DNAH3: variants seen among roughly 807,000 people sequenced by gnomAD.
DNAH3 encodes the protein dynein axonemal heavy chain 3, also known as axonemal beta dynein heavy chain 3.
DNAH3 carries 332 observed loss-of-function variants against 432.5 expected under a neutral mutation model. The ratio of observed to expected loss-of-function variants is 0.77; its 90% CI spans 0.70 to 0.84. DNAH3 has a LOEUF of 0.84. Among genes scored for constraint, DNAH3 ranks in the 40% least tolerant of loss-of-function variants. The probability of loss-of-function intolerance (pLI) is 0.00; values close to 1 mark genes in which losing one functional copy is unlikely to be tolerated. For synonymous variants in DNAH3, 1,956 were observed against 1,900.2 expected (o/e 1.03, Z -0.76); for missense variants, 4,861 against 5,114.0 (o/e 0.95, Z 1.51).
chr16:21,145,063 G>C (rs927573937), intron 3 of DNAH3, 118 bp downstream of exon 4: 2 of 888,190 alleles, frequency 2.3e-6, no homozygotes, highest in Middle Eastern at 3.5e-4. Context: ...AATGAGCCAC[G>C]ATCGTGCCAT....
At chr16:21,021,886 G>T in intron 40 of DNAH3, 85 bp downstream of exon 40, 1 of 1,490,150 alleles carries the variant, frequency 6.7e-7, no homozygotes, top group South Asian at 1.3e-5. Flanking sequence ...CTTGGTGACA[G>T]AGTGAGACTT....
At chr16:21,062,532 C>G in exon 25 of DNAH3, 2 of 1,614,154 alleles carry the variant, frequency 1.2e-6, no homozygotes, top group Non-Finnish European at 1.7e-6. Context: ...GTTTCTTTTT[C>G]CGAGCTGATC....
At chr16:20,974,898 G>A (rs186894044) in intron 51 of DNAH3, among the ~76,000 whole-genome samples, 24 of 151,044 alleles carry the variant, frequency 1.6e-4, no homozygotes, top group African/African-American at 4.4e-4. Flanking sequence ...AGCTCACTGC[G>A]ACCTCTGCCT....
At chr16:21,080,672 C>T (rs532696985) in intron 20 of DNAH3, among the ~76,000 whole-genome samples, 4 of 152,284 alleles carry the variant, frequency 2.6e-5, no homozygotes, top group East Asian at 1.9e-4. Context: ...GGCCTGAAAA[C>T]GTGCATTCTA....
chr16:21,113,867 C>A (rs1299500299), intron 12 of DNAH3, among the ~76,000 whole-genome samples: 1 of 152,196 alleles, frequency 6.6e-6, no homozygotes, highest in East Asian at 1.9e-4. Context: ...GCCTGACATA[C>A]AATGAATGTG....
intron 7 of DNAH3, chr16:21,130,091 G>GAAAAAAAAAAAAAAAA (rs58706051): frequency 5.1e-5 from 4 of 79,140 alleles, no homozygotes; most frequent in Non-Finnish European, 7.8e-5. Context: ...CTAAATAAAT[G>GAAAAAAAAAAAAAAAA]AAAAAAAAAA....
At chr16:21,070,418 G>C (rs889418742) in intron 22 of DNAH3, among the ~76,000 whole-genome samples, 6 of 152,056 alleles carry the variant, frequency 3.9e-5, no homozygotes, top group African/African-American at 1.4e-4. Flanking sequence ...AAGAAGCTGG[G>C]ATTACAGGCA....
exon 3 of DNAH3, chr16:21,145,288 T>C: frequency 6.2e-7 from 1 of 1,613,520 alleles, no homozygotes; most frequent in Non-Finnish European, 8.5e-7. Context: ...CATCAAGGAG[T>C]AGTTGTTGGC....
intron 48 of DNAH3, 48 bp from the exon 49 acceptor site, chr16:20,982,934 A>C (rs780014448): frequency 1.2e-6 from 2 of 1,606,852 alleles, no homozygotes; most frequent in African/African-American, 2.7e-5. Context: ...AGGCAGGTGG[A>C]CCCAAGGAGG....
chr16:21,118,000 GT>G (rs1033444684), intron 11 of DNAH3, among the ~76,000 whole-genome samples: 2 of 151,514 alleles, frequency 1.3e-5, no homozygotes, highest in Non-Finnish European at 2.9e-5. Flanking sequence ...GTTTTGTTTT[GT>G]TTTTTTGAGA....
chr16:21,097,167 GCT>G (rs1250894513), intron 18 of DNAH3, among the ~76,000 whole-genome samples, 186 bp downstream of exon 18: 4 of 152,154 alleles, frequency 2.6e-5, no homozygotes. Context: ...AATAGATCTG[GCT>G]CTTTCTCCAC....
chr16:21,081,702 A>G, exon 20 of DNAH3: 1 of 1,613,944 alleles, frequency 6.2e-7, no homozygotes, highest in Non-Finnish European at 8.5e-7. Flanking sequence ...GGTGGGCTTT[A>G]TCTCATAGCC....
At chr16:21,129,606 G>A (rs547041214) in intron 7 of DNAH3, among the ~76,000 whole-genome samples, 42 of 151,808 alleles carry the variant, frequency 2.8e-4, no homozygotes, top group Non-Finnish European at 4.9e-4. Context: ...GCCTGGTGGC[G>A]GGTGTCTGTA....
At chr16:21,085,934 T>TATTA (rs946006516) in intron 19 of DNAH3, among the ~76,000 whole-genome samples, 1 of 152,078 alleles carries the variant, frequency 6.6e-6, no homozygotes, top group Non-Finnish European at 1.5e-5. Flanking sequence ...ACCTAGCTAA[T>TATTA]ATTAATTAAT....
At chr16:21,075,671 GGGAGGCCGAGGAGGGAA>G in intron 20 of DNAH3, 110 bp from the exon 21 acceptor site, 1 of 822,130 alleles carries the variant, frequency 1.2e-6, no homozygotes, top group Non-Finnish European at 2.1e-6. Context: ...CCAGCACTTT[GGGAGGCCGAGGAGGGAA>G]GATTGCTTGA....
intron 1 of DNAH3, among the ~76,000 whole-genome samples, chr16:21,153,595 A>G (rs1307700701): frequency 6.6e-6 from 1 of 152,122 alleles, no homozygotes; most frequent in Admixed American, 6.5e-5. Context: ...TTGTTCTTTC[A>G]CTGTTTGGGT....
intron 51 of DNAH3, among the ~76,000 whole-genome samples, chr16:20,973,618 C>T (rs2085444778): frequency 6.6e-6 from 1 of 152,200 alleles, no homozygotes; most frequent in Non-Finnish European, 1.5e-5. Flanking sequence ...CTTCAAAGTG[C>T]TTTGTGAAAT....
intron 43 of DNAH3, 146 bp from the exon 44 acceptor site, chr16:20,997,608 C>T (rs1262142192): frequency 1.3e-5 from 12 of 898,782 alleles, no homozygotes; most frequent in Non-Finnish European, 2.0e-5. Context: ...CAATGGATGC[C>T]CTGACCAGAT....
chr16:21,137,461 C>T (rs994895598), intron 5 of DNAH3, among the ~76,000 whole-genome samples: 16 of 145,832 alleles, frequency 1.1e-4, no homozygotes, highest in Non-Finnish European at 1.9e-4. Context: ...TCACTTTTGT[C>T]GCTCAGGCTG....
Sources: gnomAD v4.1 joint callset for allele counts (sites outside exome capture counted in the v4.1 genomes callset) on GRCh38, gnomAD v4.1.1 for gene constraint, MANE v1.5 for transcripts, NCBI Gene and HGNC (gene_info 2026-07-23, HGNC 2026-07-21) for gene names.